Variants in PER2 observed in about 807,000 individuals in gnomAD.
The protein encoded by PER2 is period circadian regulator 2.
In PER2, 66 loss-of-function variants were observed where a neutral mutation model predicts 121.0. The observed-to-expected ratio is 0.55, with a 90% CI of 0.45 to 0.67. PER2 has a LOEUF of 0.67. Ranked by LOEUF, PER2 falls within the 30% of genes least tolerant of loss-of-function variation. The pLI is 0.00. For synonymous variants in PER2, 684 were observed against 659.9 expected (o/e 1.04, Z -0.56); for missense variants, 1,521 against 1,635.0 (o/e 0.93, Z 1.20).
chr2:238,271,287 C>G, intron 6 of PER2, 25 bp downstream of exon 6: 1 of 1,601,258 alleles, frequency 6.2e-7, no homozygotes, highest in Non-Finnish European at 8.6e-7. Flanking sequence ...CCAGAGGGAA[C>G]AAGGCACTAC....
Position 238,268,251 on chromosome 2 carries a change from C to T in PER2, c.825-53G>A, listed in dbSNP as rs1447009040. 1.3e-6 allele frequency: 2 copies of T among 1,583,838 alleles called. No homozygotes were observed. Among genetic ancestry groups the T allele is most frequent in the African/African-American group, 1.3e-5 (1 of 74,348 alleles). On this transcript the variant is annotated intron_variant, in intron 7 of 22. Transcript: ENST00000254657. This position sits in a 1 kb window ranked among gnomAD's most constrained non-coding sequence, Gnocchi z 4.0. ...GGGAACTGTGACACAGGAACAGTCC[C>T]CTGTTCTGTTCCCTCCTCACCTGGG... is the stretch of plus-strand genomic sequence containing the variant.
rs1231289313 is a variant in PER2, at chr2:238,246,111, A to G, written c.*264T>C. On this transcript the variant is annotated 3_prime_UTR_variant, in exon 23 of 23. Coordinates refer to ENST00000254657, the MANE Select transcript of PER2 (RefSeq NM_022817.3). ...GAGGCGCTTAGTCTTTCTCAAGTTA[A>G]ATAACAACTAAAATCTCTTCCCCAT... 4.2e-6 allele frequency: 1 copy of G among 240,020 alleles called. No individual in the cohort carries two copies. Among genetic ancestry groups the G allele is most frequent in the African/African-American group, 2.2e-5 (1 of 44,806 alleles). The allele number at this position is 240,020 out of a possible 1,614,324, so 14.9% of individuals were successfully genotyped here.
chr2:238,294,347 A>G (rs4663872), upstream of PER2, among the ~76,000 whole-genome samples: 15,489 of 152,222 alleles, frequency 0.1, 860 homozygotes, highest in Middle Eastern at 0.14. Context: ...GACATCTTGG[A>G]GTCAGGAACG....
rs1574853904 is a variant in PER2 at position 238,270,719 on chromosome 2, G to T, written c.772+593C>A. ...GCTGGGAGGGCCTGGCTGGGGAGCG[G>T]AGCCTGGAAATGAGGCAGGGTAGAC... On this transcript the variant is annotated intron_variant, in intron 6 of 22. Coordinates refer to ENST00000254657, the MANE Select transcript of PER2 (RefSeq NM_022817.3). Among the ~76,000 whole-genome samples the T allele has an allele frequency of 2.0e-5, 3 of 152,356 alleles. No individual in the cohort carries two copies. The East Asian group carries it at 5.8e-4, about 29-fold the overall frequency.
intron 20 of PER2, among the ~76,000 whole-genome samples, chr2:238,250,961 C>T (rs1209310651): frequency 6.6e-6 from 1 of 152,198 alleles, no homozygotes; most frequent in East Asian, 1.9e-4. Flanking sequence ...GCGATTCTTT[C>T]CTGTGAAGCC....
intron 1 of PER2, among the ~76,000 whole-genome samples, chr2:238,287,669 T>C (rs1696828340): frequency 6.6e-6 from 1 of 152,204 alleles, no homozygotes; most frequent in South Asian, 2.1e-4. Flanking sequence ...GGGCCTCAGT[T>C]TGCTCATCTG....
intron 2 of PER2, among the ~76,000 whole-genome samples, chr2:238,277,482 C>G (rs948965861): frequency 3.3e-5 from 5 of 152,222 alleles, no homozygotes; most frequent in Non-Finnish European, 7.3e-5. Context: ...CTCCCAAGAT[C>G]TCCTTACACT....
At chr2:238,286,916 T>C (rs959657100) in intron 1 of PER2, among the ~76,000 whole-genome samples, 1 of 152,204 alleles carries the variant, frequency 6.6e-6, no homozygotes, top group South Asian at 2.1e-4. Flanking sequence ...AGGAGAACAT[T>C]ACTTGGCCCA....
chr2:238,282,712 G>A (rs1696667151), intron 1 of PER2, among the ~76,000 whole-genome samples: 1 of 151,800 alleles, frequency 6.6e-6, no homozygotes, highest in African/African-American at 2.4e-5. Context: ...GCAGACAACA[G>A]AGCAGACATC....
chr2:238,294,555 C>T (rs1697012528), upstream of PER2, among the ~76,000 whole-genome samples: 1 of 152,250 alleles, frequency 6.6e-6, no homozygotes, highest in South Asian at 2.1e-4. Context: ...ACGCTTGGCG[C>T]TTGGCACACA....
chr2:238,267,987 G>C, intron 8 of PER2, 69 bp downstream of exon 8: 1 of 1,561,818 alleles, frequency 6.4e-7, no homozygotes. Context: ...GATGTTATGT[G>C]TGAACCACAG....
chr2:238,254,346 G>A (rs1052800546), intron 18 of PER2: 1 of 154,276 alleles, frequency 6.5e-6, no homozygotes, highest in Admixed American at 6.4e-5. Context: ...GGAGTGGGAG[G>A]GGGATCCAGG....
rs925302047 is a variant in PER2 at position 238,246,194 on chromosome 2, C to T, written c.*181G>A. On this transcript the variant is annotated 3_prime_UTR_variant, in exon 23 of 23. Coordinates refer to ENST00000254657, the MANE Select transcript of PER2 (RefSeq NM_022817.3). ...AAAAACATATTTCTTTCCGAACTCTCCCCACTCTCCACAGTTTTAAGTCGC... is the reference window on the plus strand; with the variant it reads ...AAAAACATATTTCTTTCCGAACTCTTCCCACTCTCCACAGTTTTAAGTCGC... 2.4e-6 allele frequency: 1 copy of T among 423,466 alleles called. No individual in the cohort carries two copies. Among genetic ancestry groups the T allele is most frequent in the Non-Finnish European group, 4.2e-6 (1 of 239,656 alleles). The allele number at this position is 423,466 out of a possible 1,614,324, so 26.2% of individuals were successfully genotyped here.
At chr2:238,266,070 A>AT (rs550081362) in intron 8 of PER2, among the ~76,000 whole-genome samples, 426 of 151,538 alleles carry the variant, frequency 2.8e-3, no homozygotes, top group Non-Finnish European at 4.1e-3. Context: ...CGCCCAGCTA[A>AT]TTTTTTGTAT....
chr2:238,251,631 G>A lies in PER2; in HGVS notation c.3242C>T (p.Ser1081Leu). Reference protein sequence around the residue: ...SAASESLGSGSLGCDASPSGA... With the variant: ...SAASESLGSGLLGCDASPSGA... ...ACTCGGGGAGGCGTCGCAGCCCAGT[G>A]AGCCGGAGCCCAGAGACTCCGAAGC... Residue 1081 changes from serine (S) to leucine (L), a missense_variant, in exon 20 of 23, where the codon TCA becomes TTA. By Grantham distance (145) the Ser-to-Leu change is moderately radical. Transcript: ENST00000254657. 1 of 1,614,222 alleles carries A rather than the reference G, an allele frequency of 6.2e-7. No homozygotes were observed. The highest frequency in any genetic ancestry group is 8.5e-7 in the Non-Finnish European group (1 of 1,180,026).
chr2:238,278,043 TTC>T (rs1696511851), intron 1 of PER2, 88 bp from the exon 2 acceptor site: 1 of 1,376,452 alleles, frequency 7.3e-7, no homozygotes, highest in Non-Finnish European at 1.0e-6. Flanking sequence ...ATTTGACTCT[TTC>T]TGTTACTAAT....
At chr2:238,271,014 G>A (rs769324704) in intron 6 of PER2, among the ~76,000 whole-genome samples, 32 of 152,224 alleles carry the variant, frequency 2.1e-4, no homozygotes, top group Admixed American at 1.2e-3. Flanking sequence ...CCCACGACCC[G>A]GCCTCCCACG....
In PER2 at chr2:238,266,092, G is replaced by T. The variant is rs184556425; in HGVS notation, c.968-502C>A. On this transcript the variant is annotated intron_variant, in intron 8 of 22. Coordinates refer to ENST00000254657, the MANE Select transcript of PER2 (RefSeq NM_022817.3). ...CTAATTTTTTGTATTTTTAGTTGAG[G>T]TGGGGTTTCACCGTGTTGGCCAGGA... Among the ~76,000 whole-genome samples the T allele has an allele frequency of 3.3e-5, 5 of 151,750 alleles. No individual in the cohort carries two copies. In the South Asian group the frequency reaches 1.0e-3, roughly 32 times the overall value.
At position 238,261,601 on chromosome 2, in the gene PER2, G is replaced by GC. The variant is rs1391245968; in HGVS notation, c.1416+127_1416+128insG. The GC allele has an allele frequency of 4.5e-5, 32 of 709,342 alleles. No individual in the cohort carries two copies. In the African/African-American group the frequency reaches 5.2e-4, roughly 12 times the overall value. The allele number at this position is 709,342 out of a possible 1,614,324, so 43.9% of individuals were successfully genotyped here. Reference sequence around the variant, plus strand: ...TCTATGCCCAAACTGTCCCCTGGGGGATGTTCAGAGAATGACAGATGAAGC... The same window carrying GC: ...TCTATGCCCAAACTGTCCCCTGGGGGCATGTTCAGAGAATGACAGATGAAGC... On this transcript the variant is annotated intron_variant, in intron 12 of 22. Transcript: ENST00000254657.
Sources: allele counts gnomAD v4.1 joint callset (sites outside exome capture counted in the v4.1 genomes callset), GRCh38; gene constraint gnomAD v4.1.1; non-coding constraint Gnocchi (gnomAD v3.1); transcripts MANE v1.5; gene names NCBI Gene and HGNC (gene_info 2026-07-23, HGNC 2026-07-21).